SMCHD1: variants seen among roughly 807,000 people sequenced by gnomAD.
SMCHD1 encodes the protein structural maintenance of chromosomes flexible hinge domain containing 1.
SMCHD1 carries 78 observed loss-of-function variants against 254.7 expected under a neutral mutation model. The observed-to-expected ratio is 0.31, with a 90% confidence interval of 0.26 to 0.37. SMCHD1 has a LOEUF of 0.37. SMCHD1 is among the 10% of genes least tolerant of loss of function. The pLI is 1.00. For synonymous variants in SMCHD1, 766 were observed against 794.9 expected (o/e 0.96, Z 0.61); for missense variants, 1,840 against 2,408.1 (o/e 0.76, Z 4.94).
chr18:2,693,126 G>A (rs2074214869), intron 7 of SMCHD1, among the ~76,000 whole-genome samples: 1 of 152,156 alleles, frequency 6.6e-6, no homozygotes, highest in Non-Finnish European at 1.5e-5. Flanking sequence ...TTCTGAAAGA[G>A]CTGTAACACT....
intron 3 of SMCHD1, among the ~76,000 whole-genome samples, chr18:2,672,029 T>C (rs1188741925): frequency 1.3e-5 from 2 of 152,208 alleles, no homozygotes; most frequent in Admixed American, 6.5e-5. Context: ...CATTTCTTCC[T>C]TCCAAATTTC....
At chr18:2,789,209 T>A (rs1146062) in intron 45 of SMCHD1, among the ~76,000 whole-genome samples, 32,652 of 94,064 alleles carry the variant, frequency 0.35, 3,641 homozygotes, top group Admixed American at 0.4. Flanking sequence ...TATTATTATT[T>A]TTTTTTTTTT....
rs1568198327 is a variant in SMCHD1, at chr18:2,708,886, ATATATATATATATATATATAT to A, written c.2260+967_2260+987del. On this transcript the variant is annotated intron_variant, in intron 17 of 47. Transcript: ENST00000320876. ...TAACTTCATATATATATATATATAT[ATATATATATATATATATATAT>A]AACATATTAACATGAAATTTATGAA... Among the ~76,000 whole-genome samples, 540 of 72,314 alleles carry A rather than the reference ATATATATATATATATATATAT, an allele frequency of 7.5e-3. 80 individuals are homozygous for A. The East Asian group carries it at 0.19, about 25-fold the overall frequency. 47.4% of individuals were successfully genotyped at this position (72,314 alleles called of 152,430 possible).
intron 28 of SMCHD1, among the ~76,000 whole-genome samples, chr18:2,741,880 C>T (rs1009479471): frequency 1.3e-5 from 2 of 152,178 alleles, no homozygotes; most frequent in African/African-American, 4.8e-5. Flanking sequence ...TCATCTTAAA[C>T]AAACAAAAGG....
At chr18:2,681,187 C>T (rs553176786) in intron 5 of SMCHD1, among the ~76,000 whole-genome samples, 4 of 152,016 alleles carry the variant, frequency 2.6e-5, no homozygotes, top group Admixed American at 6.5e-5. Flanking sequence ...CTGAGGTGGG[C>T]GGATCACCTG....
chr18:2,717,972 A>C (rs1317395287), intron 17 of SMCHD1, among the ~76,000 whole-genome samples, 186 bp from the exon 18 acceptor site: 2 of 152,110 alleles, frequency 1.3e-5, no homozygotes, highest in Non-Finnish European at 2.9e-5. Flanking sequence ...AAGAGATTTT[A>C]ATGAATTGAA....
At chr18:2,711,129 T>C (rs749924739) in intron 17 of SMCHD1, among the ~76,000 whole-genome samples, 1 of 151,560 alleles carries the variant, frequency 6.6e-6, no homozygotes, top group Non-Finnish European at 1.5e-5. Context: ...GACATGCTCA[T>C]TGCACCCAGC....
intron 45 of SMCHD1, among the ~76,000 whole-genome samples, chr18:2,792,598 G>T (rs1474000899): frequency 6.6e-6 from 1 of 152,122 alleles, no homozygotes; most frequent in Non-Finnish European, 1.5e-5. Context: ...TACATAGTTT[G>T]TAATCATGAC....
In SMCHD1 at chr18:2,778,314, A is replaced by G. The variant is rs2076099956; in HGVS notation, c.5547+75A>G. 7 of 1,044,444 alleles carry G rather than the reference A, an allele frequency of 6.7e-6. No individual in the cohort carries two copies. The Admixed American group carries it at 7.5e-5, about 11-fold the overall frequency. The allele number at this position is 1,044,444 out of a possible 1,614,324, so 64.7% of individuals were successfully genotyped here. On this transcript the variant is annotated intron_variant, in intron 44 of 47. Coordinates refer to ENST00000320876, the MANE Select transcript of SMCHD1 (RefSeq NM_015295.3). ...ATCATGTCCATTTGATGATACATAT[A>G]CAAACGACTAGCCTTTTCAAAACCA...
intron 45 of SMCHD1, among the ~76,000 whole-genome samples, chr18:2,795,035 C>T (rs1433947463): frequency 4.0e-5 from 5 of 125,464 alleles, no homozygotes; most frequent in Non-Finnish European, 6.9e-5. Context: ...TTAAAAAATT[C>T]TGGGTTTTTT....
chr18:2,722,821 C>A (rs1476114183), intron 20 of SMCHD1, among the ~76,000 whole-genome samples, 158 bp downstream of exon 20: 1 of 152,014 alleles, frequency 6.6e-6, no homozygotes, highest in African/African-American at 2.4e-5. Context: ...CCAAGCTATC[C>A]TCTGTGACTA....
intron 24 of SMCHD1, 25 bp downstream of exon 24, chr18:2,729,434 A>G (rs1160292643): frequency 2.0e-6 from 3 of 1,468,746 alleles, no homozygotes; most frequent in Non-Finnish European, 2.7e-6. Flanking sequence ...TTACTCATTG[A>G]TATTATATTG....
chr18:2,734,710 G>A (rs1462475993), intron 25 of SMCHD1, among the ~76,000 whole-genome samples: 1 of 150,924 alleles, frequency 6.6e-6, no homozygotes, highest in African/African-American at 2.4e-5. Context: ...AAGATAAAAA[G>A]GTAACTAAAA....
chr18:2,670,447 T>C (rs1156789657), intron 3 of SMCHD1, among the ~76,000 whole-genome samples: 1 of 152,214 alleles, frequency 6.6e-6, no homozygotes, highest in African/African-American at 2.4e-5. Flanking sequence ...CTTTTTTCTC[T>C]ATTGCACAAA....
chr18:2,661,134 C>T (rs948556366), intron 1 of SMCHD1, among the ~76,000 whole-genome samples: 1 of 152,078 alleles, frequency 6.6e-6, no homozygotes, highest in African/African-American at 2.4e-5. Flanking sequence ...ACAATGAGAA[C>T]ACATGAACAT....
chr18:2,791,679 C>T (rs919311287), intron 45 of SMCHD1, among the ~76,000 whole-genome samples: 3 of 152,166 alleles, frequency 2.0e-5, no homozygotes, highest in African/African-American at 4.8e-5. Flanking sequence ...CAGCTTACTG[C>T]CTAGAGAGAT....
Position 2,666,202 on chromosome 18 carries a change from A to C in SMCHD1, c.232A>C (p.Ser78Arg). Residue 78 changes from serine to arginine, a missense_variant, in exon 2 of 48, where the codon AGT (serine) becomes CGT (arginine). By Grantham distance (110) the Ser-to-Arg change is moderately radical. This residue lies in a region of SMCHD1 where 37 missense variants were observed against 54.2 expected (regional missense o/e 0.68). Coordinates refer to ENST00000320876, the MANE Select transcript of SMCHD1 (RefSeq NM_015295.3). ...AGAAAAATTTGTTATTACAACAACAAGTAGGAAAGAAATTACCTGTGATAA... is the reference window on the plus strand; with the variant it reads ...AGAAAAATTTGTTATTACAACAACACGTAGGAAAGAAATTACCTGTGATAA... The part of the protein sequence containing the change: ...PEEKFVITTT[S>R]RKEITCDNFD... The C allele has an allele frequency of 1.3e-6, 2 of 1,554,912 alleles. No homozygotes were observed. The highest frequency in any genetic ancestry group is 1.8e-6 in the Non-Finnish European group (2 of 1,132,472).
Position 2,743,843 on chromosome 18 carries a change from G to A in SMCHD1, c.3716G>A (p.Arg1239His), listed in dbSNP as rs750301200. 26 of 1,612,970 alleles carry A rather than the reference G, an allele frequency of 1.6e-5. No homozygotes were observed. The highest frequency in any genetic ancestry group is 1.2e-4 in the African/African-American group (9 of 74,856). Reference protein sequence around the residue: ...PGNKDLCFTWREFSDFIRVQL... With the variant: ...PGNKDLCFTWHEFSDFIRVQL... ...AATAAGGATCTTTGTTTTACTTGGCGTGAGTTTTCTGACTTTATTCGAGTG... is the reference window on the plus strand; with the variant it reads ...AATAAGGATCTTTGTTTTACTTGGCATGAGTTTTCTGACTTTATTCGAGTG... The change falls in exon 29 of 48, where the codon CGT (arginine) becomes CAT (histidine). Residue 1239 changes from arginine to histidine, a missense_variant. Physicochemically the swap from Arg to His is conservative, Grantham distance 29. Around this residue, in one of 9 missense-constraint regions of SMCHD1, gnomAD observed 881 missense variants for 1,009.5 expected, o/e 0.87. Transcript: ENST00000320876.
chr18:2,687,223 A>G (rs9958952), intron 5 of SMCHD1, among the ~76,000 whole-genome samples: 4,952 of 152,308 alleles, frequency 0.033, 265 homozygotes, highest in African/African-American at 0.11. Context: ...TCTCATATGT[A>G]GTCCTTAAAA....
Sources: allele counts gnomAD v4.1 joint callset (sites outside exome capture counted in the v4.1 genomes callset), GRCh38; gene constraint gnomAD v4.1.1; regional missense constraint gnomAD v4.1.1; transcripts MANE v1.5; gene names NCBI Gene and HGNC (gene_info 2026-07-23, HGNC 2026-07-21).